UACA: variants seen among roughly 807,000 people sequenced by gnomAD.
UACA encodes nuclear membrane binding protein.
Under a neutral mutation model 160.5 loss-of-function variants are expected in UACA, and 112 were observed. The ratio of observed to expected loss-of-function variants is 0.70; its 90% confidence interval spans 0.60 to 0.82. The LOEUF (loss-of-function observed/expected upper bound fraction) is 0.82. Ranked by LOEUF, UACA falls within the 40% of genes least tolerant of loss-of-function variation. UACA has a pLI of 0.00. For synonymous variants in UACA, 557 were observed against 568.4 expected, an observed-to-expected ratio of 0.98 and a Z score of 0.29; for missense variants, 1,574 against 1,614.6, an observed-to-expected ratio of 0.97 and a Z score of 0.43.
At chr15:70,776,650 A>G in the UACA span, among the ~76,000 whole-genome samples, 1 of 151,946 alleles carries the variant, frequency 6.6e-6, no homozygotes, top group Non-Finnish European at 1.5e-5. Flanking sequence ...GCTGGTCTCA[A>G]ACTGCTGACC....
intron 1 of UACA, among the ~76,000 whole-genome samples, chr15:70,705,291 G>A (rs1450684980): frequency 6.6e-6 from 1 of 152,144 alleles, no homozygotes; most frequent in Non-Finnish European, 1.5e-5. Context: ...AACTTTGAGA[G>A]GCCAAAGCAG....
intron 1 of UACA, among the ~76,000 whole-genome samples, chr15:70,726,996 C>A (rs1250803803): frequency 6.6e-6 from 1 of 152,196 alleles, no homozygotes; most frequent in East Asian, 1.9e-4. Context: ...AATCCACATG[C>A]TCTTCCACTC....
rs747325846 is a variant in UACA at position 70,668,274 on chromosome 15, C to A, written c.2410G>T (p.Val804Leu). 5.0e-6 allele frequency: 8 copies of A among 1,613,522 alleles called. No individual in the cohort carries two copies. In the South Asian group the frequency reaches 7.7e-5, roughly 16 times the overall value. Residue 804 changes from valine (V) to leucine (L), a missense_variant, in exon 16 of 19, where the codon GTA becomes TTA. By Grantham distance (32) the Val-to-Leu change is conservative. Coordinates refer to ENST00000322954, the MANE Select transcript of UACA (RefSeq NM_018003.4). ...TCTTTTTCATGTTTCTCAGGAGGTA[C>A]AAACACAGTTTCTAGGCGGCTTACA... ...KDVSRLETVF[V>L]PPEKHEKEII...
At chr15:70,745,339 G>A (rs1409207797) in intron 1 of UACA, among the ~76,000 whole-genome samples, 3 of 152,034 alleles carry the variant, frequency 2.0e-5, no homozygotes, top group Non-Finnish European at 4.4e-5. Flanking sequence ...GGAGGCTGAG[G>A]CAGGAGAGTG....
intron 1 of UACA, among the ~76,000 whole-genome samples, chr15:70,705,439 G>A (rs1016511263): frequency 6.6e-6 from 1 of 152,054 alleles, no homozygotes; most frequent in Non-Finnish European, 1.5e-5. Flanking sequence ...CAGAGGCTGA[G>A]GAAGGAAAAT....
intron 1 of UACA, among the ~76,000 whole-genome samples, chr15:70,706,863 A>T (rs1271687652): frequency 6.6e-6 from 1 of 152,224 alleles, no homozygotes; most frequent in Non-Finnish European, 1.5e-5. Flanking sequence ...AGATGTCAAT[A>T]CCACCCAAGG....
At chr15:70,676,754 A>C (rs888754705) in intron 12 of UACA, among the ~76,000 whole-genome samples, 163 bp from the exon 13 acceptor site, 1 of 152,218 alleles carries the variant, frequency 6.6e-6, no homozygotes, top group Admixed American at 6.5e-5. Context: ...ATTTCTACAA[A>C]TATACTAATG....
intron 16 of UACA, 49 bp from the exon 17 acceptor site, chr15:70,664,863 A>G: frequency 6.6e-7 from 1 of 1,515,966 alleles, no homozygotes; most frequent in South Asian, 1.2e-5. Context: ...TATCATGTAC[A>G]ATGAACATCT....
chr15:70,662,809 A>G (rs1178020144), intron 17 of UACA, among the ~76,000 whole-genome samples: 26 of 152,334 alleles, frequency 1.7e-4, no homozygotes, highest in African/African-American at 5.3e-4. Context: ...GGCTAGCCAT[A>G]CGCAGAAAGC....
intron 7 of UACA, among the ~76,000 whole-genome samples, chr15:70,686,250 A>G (rs1228872025): frequency 1.3e-5 from 2 of 151,902 alleles, no homozygotes; most frequent in African/African-American, 4.8e-5. Flanking sequence ...TTGAGTTACA[A>G]CTTGGTTTTA....
At position 70,657,018 on chromosome 15, in the gene UACA, A is replaced by C. The variant is rs1384502490; in HGVS notation, c.*38T>G. On this transcript the variant is annotated 3_prime_UTR_variant, in exon 19 of 19. Coordinates refer to ENST00000322954, the MANE Select transcript of UACA (RefSeq NM_018003.4). The stretch of plus-strand genomic sequence containing the variant: ...AGTTGCACAAAGAATGTTCAGCACC[A>C]GCAAGATAAAACAGATACTGGCAGT... 6.4e-7 allele frequency: 1 copy of C among 1,570,990 alleles called. No individual in the cohort carries two copies. The highest frequency in any genetic ancestry group is 8.8e-7 in the Non-Finnish European group (1 of 1,140,928).
At chr15:70,685,787 C>CT (rs954595843) in intron 7 of UACA, among the ~76,000 whole-genome samples, 249 of 146,742 alleles carry the variant, frequency 1.7e-3, no homozygotes, top group Middle Eastern at 3.6e-3. Context: ...TTAAATTTAA[C>CT]TTTTTTTTTT....
intron 1 of UACA, among the ~76,000 whole-genome samples, chr15:70,704,343 G>C (rs1056255098): frequency 3.3e-5 from 5 of 152,152 alleles, no homozygotes; most frequent in Non-Finnish European, 7.4e-5. Flanking sequence ...CCTGAGATGA[G>C]GGCAGTTAGC....
chr15:70,772,982 G>A, the UACA span, among the ~76,000 whole-genome samples: 3 of 151,802 alleles, frequency 2.0e-5, no homozygotes, highest in South Asian at 2.1e-4. Context: ...CCAGCTACTC[G>A]GAACGCTGAG....
chr15:70,666,744 T>C lies in UACA; in HGVS notation c.3940A>G (p.Ile1314Val), dbSNP rs1349257488. Reference sequence around the variant, plus strand: ...CCTACCTTATTATCTTTTGCTTCTATTTGTTTAGCAGATTCTTGTATTCTT... The same window carrying C: ...CCTACCTTATTATCTTTTGCTTCTACTTGTTTAGCAGATTCTTGTATTCTT... ...QRRIQESAKQ[I>V]EAKDNKITEL... The change falls in exon 16 of 19, where the codon ATA becomes GTA. Residue 1314 changes from isoleucine (I) to valine (V), a missense_variant. Ile to Val is a conservative substitution (Grantham distance 29). Coordinates refer to ENST00000322954, the MANE Select transcript of UACA (RefSeq NM_018003.4). The C allele has an allele frequency of 6.2e-7, 1 of 1,606,334 alleles. No individual in the cohort carries two copies. The highest frequency in any genetic ancestry group is 1.7e-5 in the Admixed American group (1 of 58,088).
chr15:70,680,450 T>C lies in UACA; in HGVS notation c.823-774A>G, dbSNP rs78937883. ...TGATTTTCTCATGTTTTGTATTATT[T>C]GTTTACCTTTGCTTGATCAAGTTTT... On this transcript the variant is annotated intron_variant, in intron 9 of 18. Coordinates refer to ENST00000322954, the MANE Select transcript of UACA (RefSeq NM_018003.4). Among the ~76,000 whole-genome samples the C allele has an allele frequency of 3.0e-3, 453 of 152,344 alleles. 3 individuals carry two copies. The highest frequency in any genetic ancestry group is 0.01 in the African/African-American group (419 of 41,578).
At chr15:70,719,138 G>C (rs1253094534) in intron 1 of UACA, among the ~76,000 whole-genome samples, 1 of 147,224 alleles carries the variant, frequency 6.8e-6, no homozygotes, top group Non-Finnish European at 1.5e-5. Context: ...GAAGAGAACA[G>C]AAGAGAAGAG....
At chr15:70,675,228 T>A (rs1897271291) in intron 13 of UACA, among the ~76,000 whole-genome samples, 1 of 152,198 alleles carries the variant, frequency 6.6e-6, no homozygotes. Flanking sequence ...ACGACAAGAA[T>A]GCAAAGTACA....
At chr15:70,760,793 G>A (rs1209526994) in intron 1 of UACA, among the ~76,000 whole-genome samples, 4 of 144,480 alleles carry the variant, frequency 2.8e-5, no homozygotes, top group African/African-American at 7.7e-5. Flanking sequence ...GCGACCGAGC[G>A]AGACTCCGTC....
Sources: gnomAD v4.1 joint callset for allele counts (sites outside exome capture counted in the v4.1 genomes callset) on GRCh38, gnomAD v4.1.1 for gene constraint, MANE v1.5 for transcripts, NCBI Gene and HGNC (gene_info 2026-07-23, HGNC 2026-07-21) for gene names.